Variants in XRCC3 observed in about 807,000 individuals in gnomAD.
XRCC3 encodes DNA repair protein XRCC3.
A neutral mutation model predicts 29.2 loss-of-function variants in XRCC3; 34 were observed. The ratio of observed to expected loss-of-function variants is 1.16; its 90% CI spans 0.88 to 1.55. The LOEUF is 1.55. Among genes scored for constraint, XRCC3 ranks in the 40% most tolerant of loss-of-function variants. XRCC3 has a pLI of 0.00. For synonymous variants in XRCC3, 223 were observed against 211.3 expected, an observed-to-expected ratio of 1.06 and a Z score of -0.48; for missense variants, 463 against 467.6, an observed-to-expected ratio of 0.99 and a Z score of 0.09.
chr14:103,707,343 T>G, intron 5 of XRCC3, 128 bp from the exon 6 acceptor site: 3 of 1,157,124 alleles, frequency 2.6e-6, no homozygotes, highest in Admixed American at 2.0e-5. Flanking sequence ...CCTGCGGTCA[T>G]GGGGGTGAGC....
rs1469291842 is a variant in XRCC3, at chr14:103,698,368, C to G, written c.*430G>C. On this transcript the variant is annotated 3_prime_UTR_variant, in exon 10 of 10. Transcript: ENST00000555055. ...CTGCCCTGTGTGCAGGAGGGGAGACCCTCGTGGGCACGGTCCCAAGGCTGA... is the reference window on the plus strand; with the variant it reads ...CTGCCCTGTGTGCAGGAGGGGAGACGCTCGTGGGCACGGTCCCAAGGCTGA... The G allele has an allele frequency of 8.2e-6, 2 of 243,668 alleles. No individual in the cohort carries two copies. The highest frequency in any genetic ancestry group is 1.6e-5 in the Non-Finnish European group (2 of 121,698). The allele number at this position is 243,668 out of a possible 1,614,324, so 15.1% of individuals were successfully genotyped here.
At chr14:103,700,864 G>A in intron 7 of XRCC3, 1 of 735,672 alleles carries the variant, frequency 1.4e-6, no homozygotes, top group Non-Finnish European at 2.1e-6. Context: ...TCCAAGAGGG[G>A]CTTGGCTCAG....
intron 7 of XRCC3, chr14:103,700,312 AC>A (rs764973490): frequency 1.2e-4 from 32 of 263,458 alleles, no homozygotes; most frequent in East Asian, 4.4e-4. Context: ...CCAGGGGAGG[AC>A]CCCCCCAGTG....
At chr14:103,711,645 C>T (rs760925000) in intron 2 of XRCC3, 78 bp from the exon 3 acceptor site, 1 of 456,304 alleles carries the variant, frequency 2.2e-6, no homozygotes, top group South Asian at 1.5e-5. Flanking sequence ...CAGCAGCCAA[C>T]AGCAGAAGAC....
At chr14:103,710,829 C>A in intron 4 of XRCC3, 1 of 578,664 alleles carries the variant, frequency 1.7e-6, no homozygotes, top group Non-Finnish European at 3.1e-6. Flanking sequence ...ATAAAAGTAA[C>A]TGAAAGAAAT....
chr14:103,711,485 G>A lies in XRCC3; in HGVS notation c.-178C>T, dbSNP rs1389778526. 2.1e-6 allele frequency: 1 copy of A among 478,756 alleles called. No individual in the cohort carries two copies. The highest frequency in any genetic ancestry group is 1.5e-5 in the South Asian group (1 of 64,800). The allele number at this position is 478,756 out of a possible 1,614,324, so 29.7% of individuals were successfully genotyped here. A position where few individuals can be genotyped will look rare whatever the true frequency, so the allele number is the denominator to read the frequency against. ...ACTCACCTCTCTGGGGCTTGGGGAT[G>A]ACCCGCGTGTTTTTGGCTGACTTGA... On this transcript the variant is annotated 5_prime_UTR_variant, in exon 3 of 10. Transcript: ENST00000555055.
At chr14:103,701,136 A>C in intron 7 of XRCC3, 1 of 1,543,192 alleles carries the variant, frequency 6.5e-7, no homozygotes, top group Non-Finnish European at 8.8e-7. Context: ...CTGTTTCCAG[A>C]ACAGAACTTA....
Position 103,698,953 on chromosome 14 carries a change from G to A in XRCC3, c.886C>T (p.Leu296=). Residue 296 remains leucine, a synonymous_variant, in exon 10 of 10, where the codon CTG becomes TTG. Coordinates refer to ENST00000555055, the MANE Select transcript of XRCC3 (RefSeq NM_005432.4). ...TCCTCGCGGAGCCGGTCAGCCAGCA[G>A]TCTCACCAGGAGCTGGTTAGCCCAG... ...ITWANQLLVR[L]LADRLREEEA... 6.2e-7 allele frequency: 1 copy of A among 1,601,008 alleles called. No individual in the cohort carries two copies. Among genetic ancestry groups the A allele is most frequent in the South Asian group, 1.1e-5 (1 of 89,064 alleles).
At chr14:103,702,093 G>A (rs1239277796) in intron 7 of XRCC3, 1 of 152,326 alleles carries the variant, frequency 6.6e-6, no homozygotes, top group Non-Finnish European at 1.5e-5. Flanking sequence ...TATAAACTAA[G>A]CACTGACAGC....
intron 5 of XRCC3, chr14:103,707,417 C>A: frequency 1.5e-6 from 1 of 658,284 alleles, no homozygotes; most frequent in Non-Finnish European, 2.7e-6. Context: ...GATGCAGAGT[C>A]AGGGGGAGCC....
rs767384633 is a variant in XRCC3 at position 103,708,582 on chromosome 14, C to T, written c.133G>A (p.Glu45Lys). ...LKRLTNLSSP[E>K]VWHLLRTASL... ...GCCGTTCTCAGCAAGTGCCAGACCT[C>T]GGGGCTGGAGAGGTTGGTCAGTCTC... The change falls in exon 5 of 10, where the codon GAG (glutamate) becomes AAG (lysine). Residue 45 changes from glutamate (E) to lysine (K), a missense_variant. Physicochemically the swap from Glu to Lys is moderately conservative, Grantham distance 56. Transcript: ENST00000555055. 3.1e-5 allele frequency: 50 copies of T among 1,614,010 alleles called. No individual in the cohort carries two copies. The highest frequency in any genetic ancestry group is 1.6e-4 in the Middle Eastern group (1 of 6,084).
chr14:103,703,340 A>G lies in XRCC3; in HGVS notation c.407-13T>C, dbSNP rs755516898. 5.2e-6 allele frequency: 8 copies of G among 1,543,974 alleles called. No homozygotes were observed. The Admixed American group carries it at 1.6e-4, about 30-fold the overall frequency. ...ATGTAGACGGCTCCTGGGAAGCAAG[A>G]GTGCCTGATGTGCCCAGGGGACTCC... On this transcript the variant is annotated splice_polypyrimidine_tract_variant and intron_variant, in intron 6 of 9. Coordinates refer to ENST00000555055, the MANE Select transcript of XRCC3 (RefSeq NM_005432.4).
In XRCC3 at chr14:103,715,440, ACTC is replaced by A. The variant is rs1037151562; in HGVS notation, c.-337_-335del. ...GGGCCTCACCTCCCGCGGGTTCCGCACTCCTCTTCCCGCCGTCCTGCTCCTCTC... is the reference window on the plus strand; with the variant it reads ...GGGCCTCACCTCCCGCGGGTTCCGCACTCTTCCCGCCGTCCTGCTCCTCTC... On this transcript the variant is annotated 5_prime_UTR_variant, in exon 1 of 10. Transcript: ENST00000555055. 6.5e-6 allele frequency: 1 copy of A among 152,858 alleles called. No homozygotes were observed. The highest frequency in any genetic ancestry group is 2.4e-5 in the African/African-American group (1 of 41,234). The allele number at this position is 152,858 out of a possible 1,614,324, so 9.5% of individuals were successfully genotyped here.
chr14:103,705,772 CG>C lies in XRCC3; in HGVS notation c.406+1230del, dbSNP rs1249235894. ...GTGTGGGCTTCACTGAAAAGGCCAA[CG>C]GGGTGGAAGCTGAGGGGGAGTCATT... is the stretch of plus-strand genomic sequence containing the variant. On this transcript the variant is annotated intron_variant, in intron 6 of 9. Coordinates refer to ENST00000555055, the MANE Select transcript of XRCC3 (RefSeq NM_005432.4). 5 of 156,148 alleles carry C rather than the reference CG, an allele frequency of 3.2e-5. 1 individual carries two copies. Among genetic ancestry groups the C allele is most frequent in the East Asian group, 1.9e-4 (1 of 5,290 alleles). 9.7% of individuals were successfully genotyped at this position (156,148 alleles called of 1,614,324 possible). A position where few individuals can be genotyped will look rare whatever the true frequency, so the allele number is the denominator to read the frequency against.
At chr14:103,701,156 T>C (rs2083166218) in intron 7 of XRCC3, 2 of 1,548,936 alleles carry the variant, frequency 1.3e-6, no homozygotes, top group Non-Finnish European at 8.7e-7. Flanking sequence ...AGTAACACTG[T>C]CAGGTTTTGG....
rs1199102652 is a variant in XRCC3 at position 103,715,448 on chromosome 14, T to A, written c.-342A>T. ...CCTCCCGCGGGTTCCGCACTCCTCT[T>A]CCCGCCGTCCTGCTCCTCTCGGCCT... On this transcript the variant is annotated 5_prime_UTR_variant, in exon 1 of 10. Transcript: ENST00000555055. The A allele has an allele frequency of 6.5e-6, 1 of 153,928 alleles. No individual in the cohort carries two copies. The highest frequency in any genetic ancestry group is 2.4e-5 in the African/African-American group (1 of 41,502). The allele number at this position is 153,928 out of a possible 1,614,324, so 9.5% of individuals were successfully genotyped here. A position where few individuals can be genotyped will look rare whatever the true frequency, so the allele number is the denominator to read the frequency against.
chr14:103,700,728 G>GTT, intron 7 of XRCC3: 2 of 1,594,640 alleles, frequency 1.3e-6, no homozygotes, highest in Non-Finnish European at 1.7e-6. Context: ...CACCGCTAAC[G>GTT]TGAGTCCCAC....
chr14:103,711,351 T>A lies in XRCC3; in HGVS notation c.-158-106A>T, dbSNP rs777590068. 122 of 654,744 alleles carry A rather than the reference T, an allele frequency of 1.9e-4. 1 individual carries two copies. Among genetic ancestry groups the A allele is most frequent in the Admixed American group, 9.9e-4 (48 of 48,452 alleles). The allele number at this position is 654,744 out of a possible 1,614,324, so 40.6% of individuals were successfully genotyped here. A position where few individuals can be genotyped will look rare whatever the true frequency, so the allele number is the denominator to read the frequency against. ...GAATTATTTAGCAGCTTAGAACCCATTCCAGACACTGATGCATTTGAAAAA... is the reference window on the plus strand; with the variant it reads ...GAATTATTTAGCAGCTTAGAACCCAATCCAGACACTGATGCATTTGAAAAA... On this transcript the variant is annotated intron_variant, in intron 3 of 9. Coordinates refer to ENST00000555055, the MANE Select transcript of XRCC3 (RefSeq NM_005432.4).
Position 103,699,523 on chromosome 14 carries a change from G to A in XRCC3, c.615C>T (p.Gly205=), listed in dbSNP as rs780813014. ...AGTCGATGACCACCAGGCGAGCCAT[G>A]CCCCGAGACAGCAGTACGGGGACCT... ...NKKVPVLLSR[G]MARLVVIDSV... The change falls in exon 8 of 10, where the codon GGC becomes GGT. Residue 205 remains glycine (G), a synonymous_variant. Coordinates refer to ENST00000555055, the MANE Select transcript of XRCC3 (RefSeq NM_005432.4). 2 of 1,613,434 alleles carry A rather than the reference G, an allele frequency of 1.2e-6. No homozygotes were observed. The highest frequency in any genetic ancestry group is 1.1e-5 in the South Asian group (1 of 91,062).
Sources: allele counts gnomAD v4.1 joint callset, GRCh38; gene constraint gnomAD v4.1.1; transcripts MANE v1.5; gene names NCBI Gene and HGNC (gene_info 2026-07-23, HGNC 2026-07-21).